ARIH1: variants seen among roughly 807,000 people sequenced by gnomAD.
The protein encoded by ARIH1 is ariadne RBR E3 ubiquitin protein ligase 1.
ARIH1 carries 8 observed loss-of-function variants against 85.0 expected under a neutral mutation model. The ratio of observed to expected loss-of-function variants is 0.09; its 90% CI spans 0.06 to 0.17. ARIH1 has a LOEUF of 0.17. Among genes scored for constraint, ARIH1 ranks in the 10% least tolerant of loss-of-function variants. ARIH1 has a pLI of 1.00. For missense variants in ARIH1, 311 were observed against 718.1 expected (o/e 0.43, Z 6.48); for synonymous variants, 238 against 253.6 (o/e 0.94, Z 0.59).
chr15:72,572,237 ATTTT>A (rs5813687), intron 11 of ARIH1, 72 bp downstream of exon 11: 1,895 of 683,868 alleles, frequency 2.8e-3, no homozygotes, highest in South Asian at 3.7e-3. Context: ...TTAGAGAATA[ATTTT>A]TTTTTTTTTT....
Position 72,516,042 on chromosome 15 carries a change from G to A in ARIH1, c.376-2025G>A, listed in dbSNP as rs902820790. ...ACATGGTGGTGGAAACTAGGAATCT[G>A]TTTTAACAAAACTTACCATAGTTAC... On this transcript the variant is annotated intron_variant, in intron 1 of 13. Transcript: ENST00000379887. Among the ~76,000 whole-genome samples the A allele has an allele frequency of 3.9e-5, 6 of 152,268 alleles. No individual in the cohort carries two copies. In the South Asian group the frequency reaches 1.2e-3, roughly 32 times the overall value.
chr15:72,572,208 C>T (rs770485808), intron 11 of ARIH1, 43 bp downstream of exon 11: 23 of 1,287,034 alleles, frequency 1.8e-5, no homozygotes, highest in South Asian at 5.1e-5. Context: ...TAAGAATGCA[C>T]GTTGTATATT....
Position 72,587,657 on chromosome 15 carries a change from A to G in ARIH1, c.*4365A>G, listed in dbSNP as rs767392574. 1 of 154,284 alleles carries G rather than the reference A, an allele frequency of 6.5e-6. No homozygotes were observed. 9.6% of individuals were successfully genotyped at this position (154,284 alleles called of 1,614,324 possible). The stretch of plus-strand genomic sequence containing the variant: ...TTTTGGCTCCTTCAGAAACAGGAAG[A>G]TAAGTGGGCCCCTCAGATTTTTCAT... On this transcript the variant is annotated 3_prime_UTR_variant, in exon 14 of 14. Transcript: ENST00000379887.
rs1241285286 is a variant in ARIH1 at position 72,582,793 on chromosome 15, A to G, written c.1590-415A>G. Among the ~76,000 whole-genome samples the G allele has an allele frequency of 6.6e-6, 1 of 152,162 alleles. No individual in the cohort carries two copies. The highest frequency in any genetic ancestry group is 1.5e-5 in the Non-Finnish European group (1 of 68,032). ...ACTTGGAGATTTAGTCCTAACCAAT[A>G]TCTTCCCTTCCCTTAGCCAATTTTA... is the stretch of plus-strand genomic sequence containing the variant. On this transcript the variant is annotated intron_variant, in intron 13 of 13. Transcript: ENST00000379887. The surrounding 1 kb of genome is among the most constrained non-coding windows in gnomAD (Gnocchi z 4.6).
chr15:72,571,464 C>T (rs987470880), intron 10 of ARIH1, among the ~76,000 whole-genome samples: 2 of 152,194 alleles, frequency 1.3e-5, no homozygotes, highest in African/African-American at 2.4e-5. Flanking sequence ...ATAGTAACCA[C>T]TCCAGGGGAA....
At chr15:72,545,799 A>G (rs2064126361) in intron 3 of ARIH1, among the ~76,000 whole-genome samples, 1 of 152,262 alleles carries the variant, frequency 6.6e-6, no homozygotes. Flanking sequence ...ACTGTATTCC[A>G]GCCTGGGCGA....
chr15:72,534,300 A>G (rs2064071108), intron 2 of ARIH1, among the ~76,000 whole-genome samples: 1 of 152,130 alleles, frequency 6.6e-6, no homozygotes, highest in South Asian at 2.1e-4. Context: ...AATTATTAAA[A>G]AAAAAAACAG....
At chr15:72,504,015 C>CT (rs1373666011) in intron 1 of ARIH1, among the ~76,000 whole-genome samples, 5 of 152,160 alleles carry the variant, frequency 3.3e-5, no homozygotes, top group African/African-American at 1.2e-4. Context: ...GGCAGCCGCC[C>CT]TCCACTAGTG....
At chr15:72,572,280 C>G (rs747646776) in intron 11 of ARIH1, 115 bp downstream of exon 11, 3 of 724,128 alleles carry the variant, frequency 4.1e-6, no homozygotes, top group East Asian at 2.9e-5. Context: ...CTTTGTCGCC[C>G]AGGCTGGAGT....
chr15:72,578,650 A>G (rs2064282152), intron 11 of ARIH1, among the ~76,000 whole-genome samples: 3 of 152,130 alleles, frequency 2.0e-5, no homozygotes, highest in Admixed American at 2.0e-4. Flanking sequence ...AAATATTTCA[A>G]TATATTTATT....
Position 72,532,612 on chromosome 15 carries a change from T to C in ARIH1, c.444-12208T>C, listed in dbSNP as rs910164579. 2.6e-5 allele frequency among the ~76,000 whole-genome samples: 4 copies of C among 152,194 alleles called. No homozygotes were observed. The East Asian group carries it at 5.8e-4, about 22-fold the overall frequency. Reference sequence around the variant, plus strand: ...AACCCAAGGAAAGATGATACACCAGTTTGTCTTATGTACATAGATACAAAA... The same window carrying C: ...AACCCAAGGAAAGATGATACACCAGCTTGTCTTATGTACATAGATACAAAA... On this transcript the variant is annotated intron_variant, in intron 2 of 13. Transcript: ENST00000379887.
Position 72,595,808 on chromosome 15 carries a change from G to GTTTTTTTTTTTTTTT in ARIH1, c.*12520_*12534dup, listed in dbSNP as rs59597213. 8.1e-6 allele frequency: 1 copy of GTTTTTTTTTTTTTTT among 122,836 alleles called. No homozygotes were observed. The highest frequency in any genetic ancestry group is 1.7e-5 in the Non-Finnish European group (1 of 57,682). 7.6% of individuals were successfully genotyped at this position (122,836 alleles called of 1,614,324 possible). On this transcript the variant is annotated 3_prime_UTR_variant, in exon 14 of 14. Transcript: ENST00000379887. ...TATTGCAGTGTTTTTTGTTTTTTCT[G>GTTTTTTTTTTTTTTT]TTTTTTTTTTTTTTTTTTCATCTTT...
At chr15:72,550,245 G>T (rs756433573) in intron 3 of ARIH1, among the ~76,000 whole-genome samples, 1 of 152,142 alleles carries the variant, frequency 6.6e-6, no homozygotes, top group Non-Finnish European at 1.5e-5. Flanking sequence ...GTTGAGAGAG[G>T]TGCATCTCAC....
chr15:72,578,387 G>A lies in ARIH1; in HGVS notation c.1216-2344G>A, dbSNP rs184880685. Reference sequence around the variant, plus strand: ...GGGGTTCTCTTCGATAGCATTGACAGTCCCTTCCAGAGTACCGTGTGCATC... The same window carrying A: ...GGGGTTCTCTTCGATAGCATTGACAATCCCTTCCAGAGTACCGTGTGCATC... On this transcript the variant is annotated intron_variant, in intron 11 of 13. Coordinates refer to ENST00000379887, the MANE Select transcript of ARIH1 (RefSeq NM_005744.5). Among the ~76,000 whole-genome samples, 10 of 152,220 alleles carry A rather than the reference G, an allele frequency of 6.6e-5. No individual in the cohort carries two copies. The East Asian group carries it at 9.6e-4, about 15-fold the overall frequency.
intron 1 of ARIH1, among the ~76,000 whole-genome samples, chr15:72,486,694 C>CTTTTTTTTTTTTTTTTTTTTTTTTTT (rs34770375): frequency 1.1e-5 from 1 of 92,850 alleles, no homozygotes; most frequent in Non-Finnish European, 1.9e-5. Context: ...TTAAAAATGA[C>CTTTTTTTTTTTTTTTTTTTTTTTTTT]TTTTTTTTTT....
intron 1 of ARIH1, chr15:72,475,235 A>G: frequency 9.5e-7 from 1 of 1,049,016 alleles, no homozygotes; most frequent in Middle Eastern, 3.5e-4. Flanking sequence ...GGTGCTTCCC[A>G]AGTCCTGCTA....
In ARIH1 at chr15:72,586,602, A is replaced by T. The variant is rs975737466; in HGVS notation, c.*3310A>T. 2.6e-5 allele frequency: 4 copies of T among 152,206 alleles called. No individual in the cohort carries two copies. Among genetic ancestry groups the T allele is most frequent in the Non-Finnish European group, 5.9e-5 (4 of 68,020 alleles). 9.4% of individuals were successfully genotyped at this position (152,206 alleles called of 1,614,324 possible). A position where few individuals can be genotyped will look rare whatever the true frequency, so the allele number is the denominator to read the frequency against. On this transcript the variant is annotated 3_prime_UTR_variant, in exon 14 of 14. Transcript: ENST00000379887. ...ATTTTTATAGTTAAAAAATGACTAAAGGTGGCTAATAGCCACCCGTATTAT... is the reference window on the plus strand; with the variant it reads ...ATTTTTATAGTTAAAAAATGACTAATGGTGGCTAATAGCCACCCGTATTAT...
chr15:72,517,311 C>A (rs2063979481), intron 1 of ARIH1, among the ~76,000 whole-genome samples: 1 of 152,150 alleles, frequency 6.6e-6, no homozygotes, highest in African/African-American at 2.4e-5. Flanking sequence ...ACTATGTTGT[C>A]CAGGCTTCAC....
intron 2 of ARIH1, among the ~76,000 whole-genome samples, chr15:72,534,687 C>A (rs937929831): frequency 3.9e-5 from 6 of 152,122 alleles, no homozygotes; most frequent in African/African-American, 1.4e-4. Context: ...ACCTCTGCTA[C>A]CCTTGTGGTT....
Sources: allele counts gnomAD v4.1 joint callset (sites outside exome capture counted in the v4.1 genomes callset), GRCh38; gene constraint gnomAD v4.1.1; non-coding constraint Gnocchi (gnomAD v3.1); transcripts MANE v1.5; gene names NCBI Gene and HGNC (gene_info 2026-07-23, HGNC 2026-07-21).